DNAH14: variants seen among roughly 807,000 people sequenced by gnomAD.
The protein encoded by DNAH14 is axonemal beta dynein heavy chain 14.
Under a neutral mutation model 520.9 loss-of-function variants are expected in DNAH14, and 478 were observed. The observed-to-expected ratio is 0.92, with a 90% CI of 0.85 to 0.99. The LOEUF (loss-of-function observed/expected upper bound fraction) is 0.99, where lower values mean the gene tolerates loss of function less well. DNAH14 is among the 50% of genes least tolerant of loss of function. DNAH14 has a pLI of 0.00. For synonymous variants in DNAH14, 1,581 were observed against 1,757.2 expected (o/e 0.90, Z 2.51); for missense variants, 4,831 against 5,234.5 (o/e 0.92, Z 2.38).
chr1:224,964,275 C>T (rs1197620168), intron 4 of DNAH14, among the ~76,000 whole-genome samples: 2 of 152,066 alleles, frequency 1.3e-5, no homozygotes, highest in Admixed American at 1.3e-4. Context: ...TGACATCTTT[C>T]TTAAATTCAT....
chr1:225,337,515 C>A lies in DNAH14; in HGVS notation c.10311+19C>A. ...CCTGCAGGTAAGTGGGCAGTATGGC[C>A]TAATTTCCCTTGCAGCTGATACATA... On this transcript the variant is annotated intron_variant, in intron 67 of 85. Transcript: ENST00000682510. 1 of 1,535,554 alleles carries A rather than the reference C, an allele frequency of 6.5e-7. No individual in the cohort carries two copies. Among genetic ancestry groups the A allele is most frequent in the South Asian group, 1.2e-5 (1 of 83,614 alleles).
intron 28 of DNAH14, among the ~76,000 whole-genome samples, chr1:225,143,645 T>C (rs547972847): frequency 1.7e-4 from 26 of 152,316 alleles, no homozygotes; most frequent in African/African-American, 6.0e-4. Flanking sequence ...CCTCCACTTG[T>C]AATTCAAAAT....
At chr1:225,224,700 G>A (rs546873253) in intron 41 of DNAH14, among the ~76,000 whole-genome samples, 19 of 152,218 alleles carry the variant, frequency 1.2e-4, no homozygotes, top group Admixed American at 1.2e-3. Context: ...CATACCTAAC[G>A]CTTCTGGTAA....
At chr1:225,393,814 G>GTTTTTTTTTTTTTTTTTTTTTT (rs1354333069) in intron 84 of DNAH14, among the ~76,000 whole-genome samples, 1 of 143,120 alleles carries the variant, frequency 7.0e-6, no homozygotes, top group Non-Finnish European at 1.5e-5. Flanking sequence ...ATCTTTTTTT[G>GTTTTTTTTTTTTTTTTTTTTTT]TTTTTTTTTT....
chr1:225,257,653 A>C (rs1472397017), intron 44 of DNAH14, among the ~76,000 whole-genome samples: 1 of 151,042 alleles, frequency 6.6e-6, no homozygotes, highest in Non-Finnish European at 1.5e-5. Flanking sequence ...CTTCTGCCTC[A>C]GCCTCCCGAG....
intron 46 of DNAH14, among the ~76,000 whole-genome samples, chr1:225,263,035 T>A (rs2092990530): frequency 6.6e-6 from 1 of 151,802 alleles, no homozygotes; most frequent in Admixed American, 6.6e-5. Context: ...TAAATCTACC[T>A]TATGCAAATA....
At chr1:225,382,473 A>AAG (rs1252481771) in intron 81 of DNAH14, among the ~76,000 whole-genome samples, 1 of 152,148 alleles carries the variant, frequency 6.6e-6, no homozygotes, top group Admixed American at 6.5e-5. Flanking sequence ...TTTGGAGGCC[A>AAG]AGGTGGCGGA....
At position 225,272,044 on chromosome 1, in the gene DNAH14, T is replaced by G. The variant is rs1307677942; in HGVS notation, c.7810T>G (p.Tyr2604Asp). 9 of 1,550,102 alleles carry G rather than the reference T, an allele frequency of 5.8e-6. No homozygotes were observed. In the Admixed American group the frequency reaches 1.4e-4, roughly 24 times the overall value. ...NMLPTPTKCH[Y>D]MFNLRDMFKL... ...GTTACCAACTCCAACAAAATGTCAC[T>G]ACATGTTTAATCTTCGAGATATGTT... Residue 2604 changes from tyrosine to aspartate, a missense_variant, in exon 51 of 86, where the codon TAC becomes GAC. By Grantham distance (160) the Tyr-to-Asp change is radical. Coordinates refer to ENST00000682510, the MANE Select transcript of DNAH14 (RefSeq NM_001367479.1).
At chr1:225,098,669 GTAGT>G (rs765025658) in intron 22 of DNAH14, among the ~76,000 whole-genome samples, 8 of 152,220 alleles carry the variant, frequency 5.3e-5, no homozygotes, top group Non-Finnish European at 1.2e-4. Flanking sequence ...TGATTGATCG[GTAGT>G]TATTCTGAAA....
intron 35 of DNAH14, among the ~76,000 whole-genome samples, chr1:225,161,230 G>T (rs182378838): frequency 6.6e-6 from 1 of 152,158 alleles, no homozygotes; most frequent in East Asian, 1.9e-4. Context: ...AAGTTTAATT[G>T]TTTTTATGTT....
chr1:225,275,848 G>T (rs998908670), intron 52 of DNAH14, 66 bp from the exon 53 acceptor site: 14 of 236,162 alleles, frequency 5.9e-5, no homozygotes, highest in Non-Finnish European at 7.4e-5. Context: ...GATATATGCT[G>T]TGAGTTTTGA....
chr1:225,069,417 G>T (rs1475214595), intron 17 of DNAH14, among the ~76,000 whole-genome samples: 2 of 152,156 alleles, frequency 1.3e-5, no homozygotes, highest in African/African-American at 4.8e-5. Context: ...TAACATGAAG[G>T]ATGTTGAATC....
intron 1 of DNAH14, among the ~76,000 whole-genome samples, chr1:224,946,083 A>G (rs2059805670): frequency 6.6e-6 from 1 of 152,196 alleles, no homozygotes; most frequent in Admixed American, 6.5e-5. Context: ...CCCTGCCCCC[A>G]GAGGTGGAGT....
chr1:225,281,021 A>G (rs915441935), intron 54 of DNAH14, among the ~76,000 whole-genome samples: 1 of 152,244 alleles, frequency 6.6e-6, no homozygotes, highest in Non-Finnish European at 1.5e-5. Flanking sequence ...TGTGAAGAAT[A>G]ATGAGCACCA....
At chr1:225,339,186 C>T (rs1452757501) in intron 68 of DNAH14, among the ~76,000 whole-genome samples, 1 of 151,592 alleles carries the variant, frequency 6.6e-6, no homozygotes, top group Admixed American at 6.6e-5. Context: ...TGGTGCATGC[C>T]TGTAATCCCA....
chr1:225,059,123 G>A (rs1238777247), intron 17 of DNAH14, among the ~76,000 whole-genome samples: 1 of 152,098 alleles, frequency 6.6e-6, no homozygotes, highest in East Asian at 1.9e-4. Context: ...GTTGACAGTG[G>A]GGTGTTAAAG....
At chr1:225,187,956 A>G (rs1485734803) in intron 37 of DNAH14, among the ~76,000 whole-genome samples, 2 of 151,770 alleles carry the variant, frequency 1.3e-5, no homozygotes, top group Non-Finnish European at 2.9e-5. Flanking sequence ...AGGGATATCC[A>G]GCTCTTCCTG....
intron 27 of DNAH14, among the ~76,000 whole-genome samples, chr1:225,127,809 A>T (rs1573329927): frequency 6.6e-6 from 1 of 152,138 alleles, no homozygotes; most frequent in East Asian, 1.9e-4. Flanking sequence ...AGTCTCGATG[A>T]TCTTTACATT....
intron 36 of DNAH14, among the ~76,000 whole-genome samples, chr1:225,178,877 A>G (rs2083645351): frequency 6.6e-6 from 1 of 152,114 alleles, no homozygotes; most frequent in African/African-American, 2.4e-5. Context: ...TAATTGAATT[A>G]TGGATCAAGT....
Sources: allele counts gnomAD v4.1 joint callset (sites outside exome capture counted in the v4.1 genomes callset), GRCh38; gene constraint gnomAD v4.1.1; transcripts MANE v1.5; gene names NCBI Gene and HGNC (gene_info 2026-07-23, HGNC 2026-07-21).